Variants in BTBD10 observed in about 807,000 individuals in gnomAD.
BTBD10 encodes BTB domain containing 10.
A neutral mutation model predicts 53.2 loss-of-function variants in BTBD10; 21 were observed. The ratio of observed to expected loss-of-function variants is 0.39; its 90% CI spans 0.28 to 0.57. The LOEUF (loss-of-function observed/expected upper bound fraction) is 0.57. Ranked by LOEUF, BTBD10 falls within the 20% of genes least tolerant of loss-of-function variation. BTBD10 has a pLI of 0.53. For synonymous variants in BTBD10, 149 were observed against 192.7 expected (o/e 0.77, Z 1.88); for missense variants, 360 against 594.7 (o/e 0.61, Z 4.10).
At chr11:13,445,934 A>G (rs1158947572) in intron 1 of BTBD10, among the ~76,000 whole-genome samples, 1 of 152,182 alleles carries the variant, frequency 6.6e-6, no homozygotes, top group Non-Finnish European at 1.5e-5. Flanking sequence ...CAAGGTAGGC[A>G]TTATGATCCC....
intron 2 of BTBD10, among the ~76,000 whole-genome samples, chr11:13,433,922 C>T (rs555097339): frequency 3.9e-5 from 6 of 152,244 alleles, no homozygotes; most frequent in Admixed American, 3.3e-4. Flanking sequence ...CTTCTATAAA[C>T]TTTCTGCTCT....
At chr11:13,430,868 G>A (rs1325518638) in intron 2 of BTBD10, among the ~76,000 whole-genome samples, 1 of 151,908 alleles carries the variant, frequency 6.6e-6, no homozygotes, top group Admixed American at 6.6e-5. Flanking sequence ...CACAAGAAAG[G>A]GGTATAGGAG....
At chr11:13,400,696 C>A (rs1292781017) in intron 8 of BTBD10, among the ~76,000 whole-genome samples, 1 of 151,910 alleles carries the variant, frequency 6.6e-6, no homozygotes, top group Non-Finnish European at 1.5e-5. Flanking sequence ...CTCCACCCCC[C>A]AGAGGTAGTT....
At chr11:13,459,478 A>C (rs1951045793) in intron 1 of BTBD10, among the ~76,000 whole-genome samples, 1 of 152,152 alleles carries the variant, frequency 6.6e-6, no homozygotes, top group Admixed American at 6.5e-5. Flanking sequence ...GAATCTATTA[A>C]AAAGGGAGAA....
chr11:13,402,531 C>T (rs1949735670), intron 8 of BTBD10, among the ~76,000 whole-genome samples: 1 of 152,160 alleles, frequency 6.6e-6, no homozygotes, highest in African/African-American at 2.4e-5. Flanking sequence ...AAAGCTTTTA[C>T]TCTTTACATT....
At position 13,445,053 on chromosome 11, in the gene BTBD10, A is replaced by G. The variant is rs1319393544; in HGVS notation, c.72T>C (p.Ser24=). 2 of 1,613,000 alleles carry G rather than the reference A, an allele frequency of 1.2e-6. No individual in the cohort carries two copies. The highest frequency in any genetic ancestry group is 1.7e-6 in the Non-Finnish European group (2 of 1,179,174). ...DPENWDRKLH[S]RPRKLYKHSS... is the part of the protein sequence containing the mutation. ...AATGTTTATAAAGTTTACGAGGTCT[A>G]CTATGCAATTTCCGATCCCAATTCT... Residue 24 remains serine, a synonymous_variant, in exon 2 of 9, where the codon AGT becomes AGC. Coordinates refer to ENST00000278174, the MANE Select transcript of BTBD10 (RefSeq NM_032320.7).
intron 1 of BTBD10, chr11:13,459,799 T>C (rs1356841906): frequency 6.6e-6 from 1 of 152,194 alleles, no homozygotes. Flanking sequence ...AATTGAATCA[T>C]AAGGCACTGA....
chr11:13,432,933 A>G (rs1046118061), intron 2 of BTBD10, among the ~76,000 whole-genome samples: 37 of 152,134 alleles, frequency 2.4e-4, no homozygotes, highest in African/African-American at 8.9e-4. Context: ...ATAATATAAG[A>G]AAAATTTCCA....
intron 1 of BTBD10, chr11:13,462,741 T>C (rs1430718509): frequency 9.2e-5 from 14 of 152,344 alleles, no homozygotes; most frequent in Admixed American, 9.2e-4. Context: ...TTCCTCAGGA[T>C]GTCGCTGCGT....
At chr11:13,453,619 G>A (rs1368141936) in intron 1 of BTBD10, among the ~76,000 whole-genome samples, 1 of 152,128 alleles carries the variant, frequency 6.6e-6, no homozygotes. Flanking sequence ...CACTACATAT[G>A]CATTGATAGA....
chr11:13,390,754 G>A (rs1949387545), intron 8 of BTBD10, among the ~76,000 whole-genome samples: 1 of 152,182 alleles, frequency 6.6e-6, no homozygotes, highest in Admixed American at 6.5e-5. Flanking sequence ...CACATAGTAG[G>A]GGATCAATTA....
chr11:13,439,835 A>G, intron 2 of BTBD10: 1 of 1,398,206 alleles, frequency 7.2e-7, no homozygotes, highest in Non-Finnish European at 9.5e-7. Context: ...AAATTCATAT[A>G]TGTAAATAAT....
At chr11:13,444,923 C>A in intron 2 of BTBD10, 101 bp downstream of exon 2, 1 of 746,392 alleles carries the variant, frequency 1.3e-6, no homozygotes, top group South Asian at 2.3e-5. Context: ...TAAAACAGCC[C>A]CCATTCTCTG....
intron 3 of BTBD10, among the ~76,000 whole-genome samples, chr11:13,421,172 T>C (rs1366092957): frequency 2.0e-5 from 3 of 152,174 alleles, no homozygotes; most frequent in Non-Finnish European, 4.4e-5. Flanking sequence ...GTGAGCTAGT[T>C]ACTAACAAAG....
At chr11:13,447,058 C>A (rs1243628916) in intron 1 of BTBD10, among the ~76,000 whole-genome samples, 1 of 152,136 alleles carries the variant, frequency 6.6e-6, no homozygotes, top group Admixed American at 6.5e-5. Context: ...AGATTTAGAA[C>A]AATTTTTCCT....
intron 1 of BTBD10, among the ~76,000 whole-genome samples, chr11:13,460,164 A>T (rs1197516136): frequency 6.6e-6 from 1 of 152,232 alleles, no homozygotes; most frequent in Non-Finnish European, 1.5e-5. Flanking sequence ...AAGAAAAGAA[A>T]ATCTGCAAAT....
intron 1 of BTBD10, among the ~76,000 whole-genome samples, chr11:13,461,930 CT>C (rs564388278): frequency 0.032 from 4,362 of 135,972 alleles, 157 homozygotes; most frequent in South Asian, 0.11. Context: ...TCTTCTCACA[CT>C]TTTTTTTTTT....
At chr11:13,430,974 T>TACATACACACACACAC (rs1555026672) in intron 2 of BTBD10, among the ~76,000 whole-genome samples, 1 of 144,384 alleles carries the variant, frequency 6.9e-6, no homozygotes, top group Non-Finnish European at 1.5e-5. Context: ...TGGAGATACA[T>TACATACACACACACAC]ACACACACAC....
chr11:13,424,901 G>A (rs1057504609), intron 2 of BTBD10, among the ~76,000 whole-genome samples: 1 of 152,068 alleles, frequency 6.6e-6, no homozygotes, highest in Non-Finnish European at 1.5e-5. Flanking sequence ...CACAGAAAGG[G>A]GAAACACAAG....
Sources: gnomAD v4.1 joint callset for allele counts (sites outside exome capture counted in the v4.1 genomes callset) on GRCh38, gnomAD v4.1.1 for gene constraint, MANE v1.5 for transcripts, NCBI Gene and HGNC (gene_info 2026-07-23, HGNC 2026-07-21) for gene names.